The following GIPC1 variants were observed in gnomAD, a reference collection of about 807,000 sequenced individuals.
The protein encoded by GIPC1 is PDZ domain-containing protein GIPC1.
Under a neutral mutation model 28.5 loss-of-function variants are expected in GIPC1, and 15 were observed. The observed-to-expected ratio is 0.53, with a 90% CI of 0.35 to 0.81. GIPC1 has a LOEUF of 0.81. Ranked by LOEUF, GIPC1 falls within the 30% of genes least tolerant of loss-of-function variation. GIPC1 has a pLI of 0.01. For missense variants in GIPC1, 439 were observed against 481.9 expected, an observed-to-expected ratio of 0.91 and a Z score of 0.83; for synonymous variants, 224 against 206.1, an observed-to-expected ratio of 1.09 and a Z score of -0.74.
chr19:14,496,059 G>T lies in GIPC1; in HGVS notation c.-197C>A, dbSNP rs971403165. On this transcript the variant is annotated 5_prime_UTR_variant, in exon 1 of 9. Coordinates refer to ENST00000393033, the MANE Select transcript of GIPC1 (RefSeq NM_005716.4). ...CACCTGCTCCGCCGCCGCCGCCGCCGCCGCCGCCGCCGCCGCTGCCTCCGC... is the reference window on the plus strand; with the variant it reads ...CACCTGCTCCGCCGCCGCCGCCGCCTCCGCCGCCGCCGCCGCTGCCTCCGC... The T allele has an allele frequency of 1.2e-5, 3 of 248,100 alleles. No homozygotes were observed. Among genetic ancestry groups the T allele is most frequent in the African/African-American group, 4.8e-5 (2 of 41,356 alleles). The allele number at this position is 248,100 out of a possible 1,614,324, so 15.4% of individuals were successfully genotyped here. A position where few individuals can be genotyped will look rare whatever the true frequency, so the allele number is the denominator to read the frequency against.
chr19:14,492,207 T>TA (rs1205627813), intron 2 of GIPC1, among the ~76,000 whole-genome samples: 3 of 152,204 alleles, frequency 2.0e-5, no homozygotes, highest in Non-Finnish European at 4.4e-5. Flanking sequence ...GCAAGGGTCT[T>TA]AACCTCTCTG....
At chr19:14,491,075 C>T (rs940763000) in intron 3 of GIPC1, among the ~76,000 whole-genome samples, 10 of 151,824 alleles carry the variant, frequency 6.6e-5, no homozygotes, top group African/African-American at 1.7e-4. Flanking sequence ...TTTGGGAGGC[C>T]GAGGCGGGTG....
chr19:14,494,555 A>G (rs1004619083), intron 1 of GIPC1, among the ~76,000 whole-genome samples: 5 of 151,974 alleles, frequency 3.3e-5, no homozygotes, highest in African/African-American at 4.8e-5. Flanking sequence ...CAGAGTGCCA[A>G]CTCCTCAAAA....
At chr19:14,488,880 G>C (rs532805909) in intron 3 of GIPC1, among the ~76,000 whole-genome samples, 1 of 151,560 alleles carries the variant, frequency 6.6e-6, no homozygotes, top group Admixed American at 6.6e-5. Flanking sequence ...TGAGTGAAGG[G>C]GGGATAGTGA....
intron 1 of GIPC1, among the ~76,000 whole-genome samples, chr19:14,493,649 G>A (rs970101306): frequency 7.9e-5 from 12 of 151,718 alleles, no homozygotes; most frequent in Non-Finnish European, 1.2e-4. Flanking sequence ...TTTTGTATTT[G>A]TTTATTTTTA....
In GIPC1 at chr19:14,485,020, C is replaced by T. The variant is rs113219185; in HGVS notation, c.-30-2014G>A. Reference sequence around the variant, plus strand: ...ACTAAAAATACAAAAATTAGCTGGCCGTGGTGGCGGGCGTCTGTAATCCCA... The same window carrying T: ...ACTAAAAATACAAAAATTAGCTGGCTGTGGTGGCGGGCGTCTGTAATCCCA... On this transcript the variant is annotated intron_variant, in intron 3 of 8. Coordinates refer to ENST00000393033, the MANE Select transcript of GIPC1 (RefSeq NM_005716.4). Among the ~76,000 whole-genome samples, 863 of 151,650 alleles carry T rather than the reference C, an allele frequency of 5.7e-3. 11 individuals are homozygous for T. Among genetic ancestry groups the T allele is most frequent in the African/African-American group, 0.02 (836 of 41,338 alleles).
rs763832193 is a variant in GIPC1 at position 14,479,495 on chromosome 19, G to A, written c.685C>T (p.Arg229Cys). 2.4e-5 allele frequency: 34 copies of A among 1,443,356 alleles called. No individual in the cohort carries two copies. The highest frequency in any genetic ancestry group is 1.8e-4 in the South Asian group (12 of 67,948). The allele number at this position is 1,443,356 out of a possible 1,614,324, so 89.4% of individuals were successfully genotyped here. The stretch of plus-strand genomic sequence containing the variant: ...CCCAGTTGTGGGCCAGAGCCAGGGC[G>A]GCCACCCGCTGAACGCTGGCTGATC... ...DMISQRSAGG[R>C]PGSGPQLGTG... The change falls in exon 7 of 9, where the codon CGC becomes TGC. Residue 229 changes from arginine (R) to cysteine (C), a missense_variant. Transcript: ENST00000393033.
chr19:14,484,077 T>C lies in GIPC1; in HGVS notation c.-30-1071A>G, dbSNP rs139001696. Among the ~76,000 whole-genome samples the C allele has an allele frequency of 7.2e-3, 1,095 of 151,130 alleles. 19 individuals are homozygous for C. Among genetic ancestry groups the C allele is most frequent in the African/African-American group, 0.025 (1,041 of 41,166 alleles). ...TTGCAACGGTGTGATCTTGACTCAC[T>C]GCAACCTCTGCCTCTCAGGTTCAAG... is the stretch of plus-strand genomic sequence containing the variant. On this transcript the variant is annotated intron_variant, in intron 3 of 8. Coordinates refer to ENST00000393033, the MANE Select transcript of GIPC1 (RefSeq NM_005716.4).
At chr19:14,486,708 CTTTCT>C (rs1011360574) in intron 3 of GIPC1, among the ~76,000 whole-genome samples, 14 of 125,414 alleles carry the variant, frequency 1.1e-4, no homozygotes, top group South Asian at 4.7e-4. Flanking sequence ...TGCTTTCTTT[CTTTCT>C]TTTTTTTTTT....
At chr19:14,490,745 G>A (rs1448971027) in intron 3 of GIPC1, among the ~76,000 whole-genome samples, 5 of 151,868 alleles carry the variant, frequency 3.3e-5, no homozygotes, top group South Asian at 4.1e-4. Context: ...AGTCCAAGGC[G>A]GGTGGATCAC....
chr19:14,478,655 GC>G lies in GIPC1; in HGVS notation c.850+28del. The stretch of plus-strand genomic sequence containing the variant: ...GATTCGGCCCCCAGCAGACCTAGAT[GC>G]CCCCTCCCCCAGGCAGCCCTCACTC... On this transcript the variant is annotated intron_variant, in intron 8 of 8. Coordinates refer to ENST00000393033, the MANE Select transcript of GIPC1 (RefSeq NM_005716.4). This position sits in a 1 kb window ranked among gnomAD's most constrained non-coding sequence, Gnocchi z 5.2. The G allele has an allele frequency of 6.2e-7, 1 of 1,610,690 alleles. No individual in the cohort carries two copies. Among genetic ancestry groups the G allele is most frequent in the African/African-American group, 1.3e-5 (1 of 74,866 alleles).
rs1372483750 is a variant in GIPC1 at position 14,478,335 on chromosome 19, T to C, written c.*81A>G. 1.2e-5 allele frequency: 17 copies of C among 1,401,976 alleles called. No individual in the cohort carries two copies. The highest frequency in any genetic ancestry group is 2.2e-5 in the Admixed American group (1 of 45,868). 86.8% of individuals were successfully genotyped at this position (1,401,976 alleles called of 1,614,324 possible). ...GCTGAGCTAGGCTCAGGCTGGAGGC[T>C]CGGGTCCTGACGTCAGTGTCCCTGC... is the stretch of plus-strand genomic sequence containing the variant. On this transcript the variant is annotated 3_prime_UTR_variant, in exon 9 of 9. Coordinates refer to ENST00000393033, the MANE Select transcript of GIPC1 (RefSeq NM_005716.4). This position sits in a 1 kb window ranked among gnomAD's most constrained non-coding sequence, Gnocchi z 5.2.
intron 2 of GIPC1, among the ~76,000 whole-genome samples, chr19:14,491,961 G>A (rs1460310083): frequency 6.6e-6 from 1 of 152,064 alleles, no homozygotes; most frequent in Non-Finnish European, 1.5e-5. Flanking sequence ...CCAGCTACTC[G>A]GAAGGCTGAG....
intron 3 of GIPC1, among the ~76,000 whole-genome samples, chr19:14,487,133 G>A (rs1196807522): frequency 1.3e-5 from 2 of 152,038 alleles, no homozygotes; most frequent in African/African-American, 2.4e-5. Context: ...TGGCAAGTAG[G>A]ACTGAAATTC....
chr19:14,488,590 A>G (rs2071896064), intron 3 of GIPC1, among the ~76,000 whole-genome samples: 1 of 152,100 alleles, frequency 6.6e-6, no homozygotes, highest in African/African-American at 2.4e-5. Context: ...CGTCTCTACT[A>G]AAAATACAAA....
At position 14,480,325 on chromosome 19, in the gene GIPC1, G is replaced by T. The variant is rs370983512; in HGVS notation, c.635C>A (p.Thr212Lys). 3 of 1,611,296 alleles carry T rather than the reference G, an allele frequency of 1.9e-6. No homozygotes were observed. The South Asian group carries it at 3.3e-5, about 18-fold the overall frequency. ...CTCACCGAAGGCCTTGCGAGGCTCC[G>T]TGAGCTTCAGCGTGAAGGTACGGCC... is the stretch of plus-strand genomic sequence containing the variant. Reference protein sequence around the residue: ...PRGRTFTLKLTEPRKAFDMIS... With the variant: ...PRGRTFTLKLKEPRKAFDMIS... Residue 212 changes from threonine (T) to lysine (K), a missense_variant, in exon 6 of 9, where the codon ACG becomes AAG. By Grantham distance (78) the Thr-to-Lys change is moderately conservative. Coordinates refer to ENST00000393033, the MANE Select transcript of GIPC1 (RefSeq NM_005716.4).
At chr19:14,490,911 C>G (rs1375642826) in intron 3 of GIPC1, among the ~76,000 whole-genome samples, 77 of 146,712 alleles carry the variant, frequency 5.2e-4, no homozygotes, top group Non-Finnish European at 8.8e-4. Flanking sequence ...GGAGGCGGAG[C>G]TTGCAGTGAG....
chr19:14,482,662 C>G (rs756372845), intron 4 of GIPC1, 27 bp downstream of exon 4: 2 of 1,608,602 alleles, frequency 1.2e-6, no homozygotes, highest in Admixed American at 1.7e-5. Context: ...CATCAGGGAC[C>G]CTGGTGCCCG....
intron 4 of GIPC1, 33 bp from the exon 5 acceptor site, chr19:14,480,811 C>G: frequency 6.8e-7 from 1 of 1,470,322 alleles, no homozygotes; most frequent in Non-Finnish European, 9.4e-7. Flanking sequence ...AACCTCTTCC[C>G]CCTCCCTCCC....
Sources: allele counts gnomAD v4.1 joint callset (sites outside exome capture counted in the v4.1 genomes callset), GRCh38; gene constraint gnomAD v4.1.1; non-coding constraint Gnocchi (gnomAD v3.1); transcripts MANE v1.5; gene names NCBI Gene and HGNC (gene_info 2026-07-23, HGNC 2026-07-21).